DENND1A: variants seen among roughly 807,000 people sequenced by gnomAD.
DENND1A encodes DENN domain containing 1A.
A neutral mutation model predicts 113.7 loss-of-function variants in DENND1A; 51 were observed. That is an observed-to-expected ratio of 0.45 (90% CI 0.36 to 0.57). The LOEUF (loss-of-function observed/expected upper bound fraction) is 0.57. DENND1A is among the 20% of genes least tolerant of loss of function. DENND1A has a pLI of 0.00. For missense variants in DENND1A, 1,258 were observed against 1,395.9 expected (o/e 0.90, Z 1.57); for synonymous variants, 565 against 570.8 (o/e 0.99, Z 0.14).
chr9:123,690,959 G>A (rs1185588813), intron 5 of DENND1A, among the ~76,000 whole-genome samples: 1 of 152,206 alleles, frequency 6.6e-6, no homozygotes. Flanking sequence ...TCTCAGTTCA[G>A]GGCAAGGATG....
At chr9:123,389,895 G>A (rs1359268947) in intron 21 of DENND1A, among the ~76,000 whole-genome samples, 3 of 152,188 alleles carry the variant, frequency 2.0e-5, no homozygotes, top group Admixed American at 6.5e-5. Context: ...GCCGAGCTCC[G>A]AGCAGGGCAG....
Position 123,382,456 on chromosome 9 carries a change from G to A in DENND1A, c.2189C>T (p.Ala730Val). 1 of 1,613,108 alleles carries A rather than the reference G, an allele frequency of 6.2e-7. No individual in the cohort carries two copies. Among genetic ancestry groups the A allele is most frequent in the Non-Finnish European group, 8.5e-7 (1 of 1,179,618 alleles). Residue 730 changes from alanine to valine, a missense_variant, in exon 24 of 24, where the codon GCC (alanine) becomes GTC (valine). Coordinates refer to ENST00000394215, the MANE Select transcript of DENND1A (RefSeq NM_001352964.2). ...KPSALLGNSL[A>V]LPRRPQNRDS... Reference sequence around the variant, plus strand: ...CCGGTTCTGGGGCCTTCGAGGCAGGGCCAGGGAGTTTCCGAGCAGGGCTGA... The same window carrying A: ...CCGGTTCTGGGGCCTTCGAGGCAGGACCAGGGAGTTTCCGAGCAGGGCTGA...
At chr9:123,475,312 T>A (rs1156487014) in intron 13 of DENND1A, among the ~76,000 whole-genome samples, 1 of 152,170 alleles carries the variant, frequency 6.6e-6, no homozygotes, top group African/African-American at 2.4e-5. Context: ...AACCACCGCA[T>A]CTGGCCTGTT....
intron 3 of DENND1A, among the ~76,000 whole-genome samples, chr9:123,778,567 A>C (rs1830784434): frequency 6.6e-6 from 1 of 152,146 alleles, no homozygotes; most frequent in South Asian, 2.1e-4. Flanking sequence ...GAGCCGGCAA[A>C]CTTTTCTCAA....
At chr9:123,576,025 G>C (rs748561716) in intron 12 of DENND1A, among the ~76,000 whole-genome samples, 2 of 152,168 alleles carry the variant, frequency 1.3e-5, no homozygotes, top group Non-Finnish European at 2.9e-5. Flanking sequence ...TCCATCTGTT[G>C]TCATGTTTAC....
chr9:123,840,354 AT>A (rs1316176815), intron 2 of DENND1A, among the ~76,000 whole-genome samples: 2 of 151,278 alleles, frequency 1.3e-5, no homozygotes, highest in Admixed American at 6.6e-5. Flanking sequence ...CTTCTCATTA[AT>A]TTTTTTTGTC....
chr9:123,639,454 CAAA>C (rs1170557545), intron 9 of DENND1A, among the ~76,000 whole-genome samples: 1 of 76,368 alleles, frequency 1.3e-5, no homozygotes, highest in Non-Finnish European at 2.5e-5. Flanking sequence ...AACCCCCTAC[CAAA>C]AAAAAAAAAA....
intron 19 of DENND1A, among the ~76,000 whole-genome samples, chr9:123,428,982 T>C (rs1331832053): frequency 6.6e-6 from 1 of 152,180 alleles, no homozygotes; most frequent in Non-Finnish European, 1.5e-5. Flanking sequence ...ACTTTATAGA[T>C]TCAATGCTAA....
intron 19 of DENND1A, among the ~76,000 whole-genome samples, chr9:123,432,168 C>G (rs1385841303): frequency 6.6e-6 from 1 of 152,236 alleles, no homozygotes; most frequent in African/African-American, 2.4e-5. Flanking sequence ...GAATGTTCAA[C>G]TCAATCGTTA....
intron 5 of DENND1A, among the ~76,000 whole-genome samples, chr9:123,696,801 G>A (rs1327089439): frequency 1.3e-5 from 2 of 152,172 alleles, no homozygotes; most frequent in Admixed American, 1.3e-4. Context: ...AAGGGGCAGG[G>A]ATAGAGCGTG....
At chr9:123,854,925 A>G (rs1843930690) in intron 2 of DENND1A, among the ~76,000 whole-genome samples, 1 of 150,904 alleles carries the variant, frequency 6.6e-6, no homozygotes, top group Non-Finnish European at 1.5e-5. Context: ...AAGATAATGA[A>G]CCGATCCTTC....
At chr9:123,883,278 C>T (rs1443793318) in intron 1 of DENND1A, among the ~76,000 whole-genome samples, 6 of 152,178 alleles carry the variant, frequency 3.9e-5, no homozygotes, top group Non-Finnish European at 7.3e-5. Context: ...TCTATCATGT[C>T]AAGGAGTGTT....
chr9:123,389,207 CCATCCCAGCACTTGCA>C (rs1427380288), intron 21 of DENND1A, among the ~76,000 whole-genome samples: 2 of 152,226 alleles, frequency 1.3e-5, no homozygotes, highest in African/African-American at 4.8e-5. Flanking sequence ...GGGCTGGTGC[CCATCCCAGCACTTGCA>C]CATCAGAACG....
intron 1 of DENND1A, among the ~76,000 whole-genome samples, chr9:123,918,651 T>G (rs1438511291): frequency 1.3e-5 from 2 of 152,120 alleles, no homozygotes; most frequent in African/African-American, 2.4e-5. Context: ...TGAAAATGTT[T>G]AAAAAATTAA....
intron 13 of DENND1A, among the ~76,000 whole-genome samples, chr9:123,488,200 G>C (rs1457518055): frequency 6.6e-6 from 1 of 152,250 alleles, no homozygotes; most frequent in African/African-American, 2.4e-5. Flanking sequence ...GGACAATGGA[G>C]TCATGATGTG....
intron 2 of DENND1A, among the ~76,000 whole-genome samples, chr9:123,828,456 T>C (rs1014440145): frequency 4.6e-5 from 7 of 151,822 alleles, no homozygotes; most frequent in East Asian, 3.9e-4. Context: ...AGAAAGAGAA[T>C]TGGCTTACAA....
chr9:123,652,215 C>G, intron 8 of DENND1A, 92 bp from the exon 9 acceptor site: 1 of 1,085,320 alleles, frequency 9.2e-7, no homozygotes, highest in Non-Finnish European at 1.4e-6. Context: ...ATAAAATAAT[C>G]AGAAAGTATA....
intron 5 of DENND1A, among the ~76,000 whole-genome samples, chr9:123,706,088 G>A (rs1303049845): frequency 6.6e-6 from 1 of 151,924 alleles, no homozygotes; most frequent in East Asian, 1.9e-4. Context: ...GTGTTGGCTT[G>A]GACCAGGGTG....
intron 9 of DENND1A, among the ~76,000 whole-genome samples, chr9:123,633,592 T>A (rs1172857748): frequency 1.3e-5 from 2 of 152,020 alleles, no homozygotes; most frequent in Non-Finnish European, 2.9e-5. Context: ...CTGGCCAACA[T>A]GGCAAAACCC....
Sources: gnomAD v4.1 joint callset for allele counts (sites outside exome capture counted in the v4.1 genomes callset) on GRCh38, gnomAD v4.1.1 for gene constraint, MANE v1.5 for transcripts, NCBI Gene and HGNC (gene_info 2026-07-23, HGNC 2026-07-21) for gene names.